The following FGF1 variants were observed in gnomAD, a reference collection of about 807,000 sequenced individuals.
The protein encoded by FGF1 is beta-endothelial cell growth factor.
FGF1 carries 9 observed loss-of-function variants against 13.4 expected under a neutral mutation model. That is an observed-to-expected ratio of 0.67 (90% confidence interval 0.40 to 1.17). The LOEUF (loss-of-function observed/expected upper bound fraction) is 1.17, where lower values mean the gene tolerates loss of function less well. FGF1 is among the 50% of genes most tolerant of loss of function. The pLI is 0.01. For missense variants in FGF1, 156 were observed against 192.7 expected (o/e 0.81, Z 1.13); for synonymous variants, 93 against 79.0 (o/e 1.18, Z -0.94).
At chr5:142,675,488 G>T (rs1487462799) in intron 1 of FGF1, among the ~76,000 whole-genome samples, 1 of 152,124 alleles carries the variant, frequency 6.6e-6, no homozygotes, top group Non-Finnish European at 1.5e-5. Context: ...CGAAAACATT[G>T]ATCACCACTG....
At chr5:142,655,459 A>G (rs896591371) in intron 1 of FGF1, among the ~76,000 whole-genome samples, 9 of 152,154 alleles carry the variant, frequency 5.9e-5, no homozygotes, top group African/African-American at 1.9e-4. Context: ...GAAAACGTCA[A>G]TCTCAGCCAT....
At chr5:142,637,436 C>G (rs1230380118) in intron 1 of FGF1, among the ~76,000 whole-genome samples, 2 of 151,776 alleles carry the variant, frequency 1.3e-5, no homozygotes, top group African/African-American at 2.4e-5. Context: ...TCTCCTGCCT[C>G]AGCCTCCCGA....
intron 1 of FGF1, among the ~76,000 whole-genome samples, chr5:142,673,491 A>G (rs1412293268): frequency 6.6e-6 from 1 of 152,214 alleles, no homozygotes; most frequent in East Asian, 1.9e-4. Context: ...TAGGCTATCT[A>G]AACTCTATTG....
At chr5:142,649,187 C>A (rs913144938) in intron 1 of FGF1, among the ~76,000 whole-genome samples, 1 of 152,108 alleles carries the variant, frequency 6.6e-6, no homozygotes, top group Non-Finnish European at 1.5e-5. Flanking sequence ...ACATTTCTAT[C>A]CCCCTTCCTT....
intron 1 of FGF1, among the ~76,000 whole-genome samples, chr5:142,614,969 T>C (rs1022783406): frequency 1.1e-4 from 17 of 152,048 alleles, no homozygotes; most frequent in Non-Finnish European, 1.8e-4. Flanking sequence ...TAATGTGAGA[T>C]AGAACACAGA....
At chr5:142,684,220 G>A (rs1349597961) in intron 1 of FGF1, among the ~76,000 whole-genome samples, 1 of 152,138 alleles carries the variant, frequency 6.6e-6, no homozygotes, top group Non-Finnish European at 1.5e-5. Context: ...AAGATGAGAT[G>A]TCCCTTCAAT....
intron 1 of FGF1, among the ~76,000 whole-genome samples, chr5:142,666,258 A>G: frequency 6.9e-6 from 1 of 145,288 alleles, no homozygotes; most frequent in Non-Finnish European, 1.5e-5. Context: ...GAATGACTCT[A>G]ATGGTCTAAG....
intron 1 of FGF1, chr5:142,626,828 T>C (rs1438995035): frequency 6.6e-6 from 1 of 152,280 alleles, no homozygotes; most frequent in Non-Finnish European, 1.5e-5. Context: ...CAGAGACTCC[T>C]TCAGACTGTG....
At chr5:142,598,034 T>C (rs997389490) in intron 3 of FGF1, among the ~76,000 whole-genome samples, 1 of 152,246 alleles carries the variant, frequency 6.6e-6, no homozygotes, top group African/African-American at 2.4e-5. Flanking sequence ...CAAGATGAGA[T>C]ATAAATATAA....
chr5:142,686,310 C>G (rs942629132), upstream of FGF1: 1 of 152,516 alleles, frequency 6.6e-6, no homozygotes, highest in African/African-American at 2.4e-5. Flanking sequence ...CACTCCCACA[C>G]CACCCGCAGG....
At chr5:142,678,734 A>G (rs1223459808) in intron 1 of FGF1, among the ~76,000 whole-genome samples, 3 of 152,224 alleles carry the variant, frequency 2.0e-5, no homozygotes, top group East Asian at 1.9e-4. Context: ...GGCTAGATTT[A>G]TAAGACCTTT....
At chr5:142,670,812 C>G (rs901188058) in intron 1 of FGF1, among the ~76,000 whole-genome samples, 2 of 152,228 alleles carry the variant, frequency 1.3e-5, no homozygotes. Context: ...GCCTTACAAT[C>G]ACATGTGTTA....
chr5:142,686,343 C>T (rs1485618220), upstream of FGF1: 2 of 152,846 alleles, frequency 1.3e-5, no homozygotes, highest in African/African-American at 2.4e-5. Flanking sequence ...TCTAAGCAAC[C>T]CCTACTCTGG....
intron 1 of FGF1, among the ~76,000 whole-genome samples, chr5:142,628,158 A>G (rs977320793): frequency 1.3e-5 from 2 of 152,222 alleles, no homozygotes; most frequent in African/African-American, 4.8e-5. Context: ...AGCTATACTA[A>G]GAGATAAGTC....
Position 142,600,763 on chromosome 5 carries a change from A to C in FGF1, c.212T>G (p.Ile71Arg), listed in dbSNP as rs1318889609. The change falls in exon 3 of 4, where the codon ATA becomes AGA. Residue 71 changes from isoleucine (I) to arginine (R), a missense_variant. By Grantham distance (97) the Ile-to-Arg change is moderately conservative. Transcript: ENST00000337706. ...GTACTGGCCAGTCTCGGTACTCTTT[A>C]TATACACCTCCCCCACGCTTTCCGC... ...LSAESVGEVY[I>R]KSTETGQYLA... The C allele has an allele frequency of 6.2e-7, 1 of 1,613,824 alleles. No individual in the cohort carries two copies. Among genetic ancestry groups the C allele is most frequent in the Non-Finnish European group, 8.5e-7 (1 of 1,179,880 alleles).
At chr5:142,622,838 C>A (rs757976867) in intron 1 of FGF1, among the ~76,000 whole-genome samples, 15 of 152,206 alleles carry the variant, frequency 9.9e-5, no homozygotes, top group Non-Finnish European at 1.9e-4. Context: ...GGCTGATTGG[C>A]CTGGGCTAGC....
chr5:142,644,447 C>G (rs761166427), intron 1 of FGF1: 1 of 152,108 alleles, frequency 6.6e-6, no homozygotes. Flanking sequence ...CACATACACA[C>G]GTACATCTTG....
At chr5:142,631,513 G>A (rs546017784) in intron 1 of FGF1, among the ~76,000 whole-genome samples, 1 of 152,314 alleles carries the variant, frequency 6.6e-6, no homozygotes, top group South Asian at 2.1e-4. Flanking sequence ...TCAGAATCCT[G>A]TTCTGAAATT....
At chr5:142,602,713 C>T (rs1756844987) in intron 2 of FGF1, among the ~76,000 whole-genome samples, 1 of 151,794 alleles carries the variant, frequency 6.6e-6, no homozygotes, top group Admixed American at 6.6e-5. Context: ...CAGTTCTGCA[C>T]CTTGCTTTTT....
Sources: allele counts gnomAD v4.1 joint callset (sites outside exome capture counted in the v4.1 genomes callset), GRCh38; gene constraint gnomAD v4.1.1; transcripts MANE v1.5; gene names NCBI Gene and HGNC (gene_info 2026-07-23, HGNC 2026-07-21).